The following TSHZ1 variants were observed in gnomAD, a reference collection of about 807,000 sequenced individuals.
TSHZ1 encodes teashirt zinc finger homeobox 1, also known as teashirt homolog 1.
TSHZ1 carries 12 observed loss-of-function variants against 67.1 expected under a neutral mutation model. That is an observed-to-expected ratio of 0.18 (90% CI 0.11 to 0.29). The LOEUF (loss-of-function observed/expected upper bound fraction) is 0.29, where lower values mean the gene tolerates loss of function less well. TSHZ1 is among the 10% of genes least tolerant of loss of function. TSHZ1 has a pLI of 1.00. For missense variants in TSHZ1, 1,305 were observed against 1,413.9 expected, an observed-to-expected ratio of 0.92 and a Z score of 1.23; for synonymous variants, 632 against 622.4, an observed-to-expected ratio of 1.02 and a Z score of -0.23.
At chr18:75,242,511 T>C (rs2122552917) in intron 1 of TSHZ1, among the ~76,000 whole-genome samples, 2 of 152,364 alleles carry the variant, frequency 1.3e-5, no homozygotes, top group South Asian at 4.1e-4. Flanking sequence ...AGTAAATAGG[T>C]GGACCATTTG....
chr18:75,275,627 G>A (rs181311684), intron 1 of TSHZ1, among the ~76,000 whole-genome samples: 9 of 152,308 alleles, frequency 5.9e-5, no homozygotes, highest in East Asian at 1.9e-4. Flanking sequence ...GGGTCAGATA[G>A]TACCAAGTTG....
Position 75,288,211 on chromosome 18 carries a change from T to C in TSHZ1, c.2804T>C (p.Leu935Pro), listed in dbSNP as rs1453741680. 6.2e-7 allele frequency: 1 copy of C among 1,614,162 alleles called. No homozygotes were observed. The highest frequency in any genetic ancestry group is 8.5e-7 in the Non-Finnish European group (1 of 1,180,022). The change falls in exon 2 of 2, where the codon CTC becomes CCC. Residue 935 changes from leucine (L) to proline (P), a missense_variant. Leu to Pro is a moderately conservative substitution (Grantham distance 98). Transcript: ENST00000580243. This position sits in a 1 kb window ranked among gnomAD's most constrained non-coding sequence, Gnocchi z 4.9. ...ERVHISKFTG[L>P]SMTTISHWLA... is the part of the protein sequence containing the mutation. ...GTGCACATCTCGAAGTTTACTGGGC[T>C]CTCCATGACCACCATCAGCCACTGG...
chr18:75,224,061 T>A (rs1428030978), intron 1 of TSHZ1, among the ~76,000 whole-genome samples: 2 of 117,904 alleles, frequency 1.7e-5, no homozygotes, highest in African/African-American at 3.1e-5. Flanking sequence ...TTTAAACTTG[T>A]AAAAAAAAAA....
intron 1 of TSHZ1, among the ~76,000 whole-genome samples, chr18:75,259,025 C>T (rs2023397578): frequency 6.6e-6 from 1 of 152,146 alleles, no homozygotes; most frequent in Non-Finnish European, 1.5e-5. Flanking sequence ...TTTCACTTTC[C>T]TCCTCCCCTC....
intron 1 of TSHZ1, among the ~76,000 whole-genome samples, chr18:75,272,212 G>A (rs2023566805): frequency 6.6e-6 from 1 of 152,260 alleles, no homozygotes; most frequent in Non-Finnish European, 1.5e-5. Context: ...TCAGATAGAA[G>A]AGGAAGAGCA....
chr18:75,274,142 T>C (rs554263437), intron 1 of TSHZ1, among the ~76,000 whole-genome samples: 1 of 152,250 alleles, frequency 6.6e-6, no homozygotes, highest in African/African-American at 2.4e-5. Context: ...TGCACCATCG[T>C]GCTAGGCTCA....
chr18:75,268,744 T>C (rs11872517), intron 1 of TSHZ1, among the ~76,000 whole-genome samples: 4,324 of 152,252 alleles, frequency 0.028, 78 homozygotes, highest in African/African-American at 0.051. Context: ...CCTCCTGCCA[T>C]TTGCTGGTTT....
intron 1 of TSHZ1, chr18:75,283,067 C>T (rs970582063): frequency 6.6e-6 from 1 of 152,300 alleles, no homozygotes; most frequent in Non-Finnish European, 1.5e-5. Context: ...ATAGTCGATC[C>T]TGATAGAAGG....
intron 1 of TSHZ1, among the ~76,000 whole-genome samples, chr18:75,239,696 G>A (rs1174858117): frequency 2.6e-5 from 4 of 152,182 alleles, no homozygotes; most frequent in Non-Finnish European, 4.4e-5. Flanking sequence ...TAGAGGCAGA[G>A]TCTTGCTGTA....
intron 1 of TSHZ1, among the ~76,000 whole-genome samples, chr18:75,232,449 T>C (rs575837973): frequency 3.9e-5 from 6 of 152,358 alleles, no homozygotes; most frequent in African/African-American, 1.4e-4. Context: ...TGCATGTATT[T>C]TGGAAAGTCT....
chr18:75,257,975 G>C (rs1014876742), intron 1 of TSHZ1, among the ~76,000 whole-genome samples: 5 of 152,338 alleles, frequency 3.3e-5, no homozygotes, highest in Non-Finnish European at 5.9e-5. Flanking sequence ...ATCAGAGGGG[G>C]CATCTGGACT....
chr18:75,250,130 C>T (rs1233477077), intron 1 of TSHZ1, among the ~76,000 whole-genome samples: 1 of 150,152 alleles, frequency 6.7e-6, no homozygotes. Flanking sequence ...CCCGTCTGAC[C>T]CCTGCAGTAG....
Position 75,260,959 on chromosome 18 carries a change from G to A in TSHZ1, c.41-24489G>A, listed in dbSNP as rs373026794. On this transcript the variant is annotated intron_variant, in intron 1 of 1. Coordinates refer to ENST00000580243, the MANE Select transcript of TSHZ1 (RefSeq NM_001308210.2). ...ATGGATGGACATTTCTCAATCCATG[G>A]GACGCGCGTCCCTTTTTCCTGGCTG... Among the ~76,000 whole-genome samples the A allele has an allele frequency of 8.2e-4, 125 of 152,110 alleles. 1 individual carries two copies. Among genetic ancestry groups the A allele is most frequent in the African/African-American group, 2.9e-3 (121 of 41,492 alleles).
At chr18:75,271,546 G>A (rs1219764946) in intron 1 of TSHZ1, among the ~76,000 whole-genome samples, 7 of 152,124 alleles carry the variant, frequency 4.6e-5, no homozygotes, top group Non-Finnish European at 1.0e-4. Flanking sequence ...AATGCAGCAG[G>A]ATTTTGCTCC....
chr18:75,252,089 ATCTCTG>A (rs1261471994), intron 1 of TSHZ1, among the ~76,000 whole-genome samples: 1 of 152,238 alleles, frequency 6.6e-6, no homozygotes, highest in Middle Eastern at 3.4e-3. Context: ...ATCTATATTT[ATCTCTG>A]TCTCTGTATC....
intron 1 of TSHZ1, among the ~76,000 whole-genome samples, chr18:75,219,845 G>A (rs1409712048): frequency 1.3e-5 from 2 of 152,210 alleles, no homozygotes; most frequent in Admixed American, 1.3e-4. Flanking sequence ...TGCTGGTTAC[G>A]TGCTGAAGGC....
At chr18:75,278,787 T>C (rs886314504) in intron 1 of TSHZ1, among the ~76,000 whole-genome samples, 4 of 152,040 alleles carry the variant, frequency 2.6e-5, no homozygotes, top group African/African-American at 9.7e-5. Flanking sequence ...GTGCTGTGGC[T>C]CCAGTTACTA....
rs147341569 is a variant in TSHZ1, at chr18:75,287,639, C to T, written c.2232C>T (p.Asn744=). 76 of 1,614,218 alleles carry T rather than the reference C, an allele frequency of 4.7e-5. 1 individual carries two copies. The African/African-American group carries it at 8.7e-4, about 18-fold the overall frequency. ...MDHSPEPSFI[N]PLSALQSIMN... is the part of the protein sequence containing the mutation. ...ACTCACCGGAGCCTTCCTTCATCAA[C>T]CCGCTGAGCGCTTTGCAGTCCATCA... is the stretch of plus-strand genomic sequence containing the variant. Residue 744 remains asparagine (N), a synonymous_variant, in exon 2 of 2, where the codon AAC becomes AAT. Transcript: ENST00000580243. This position sits in a 1 kb window ranked among gnomAD's most constrained non-coding sequence, Gnocchi z 5.0.
chr18:75,288,853 A>G lies in TSHZ1; in HGVS notation c.*212A>G. 1.5e-6 allele frequency: 1 copy of G among 667,654 alleles called. No individual in the cohort carries two copies. The highest frequency in any genetic ancestry group is 2.3e-6 in the Non-Finnish European group (1 of 443,790). 41.4% of individuals were successfully genotyped at this position (667,654 alleles called of 1,614,324 possible). A position where few individuals can be genotyped will look rare whatever the true frequency, so the allele number is the denominator to read the frequency against. ...TTCCGTGAGTCAAAGTCTGACCTTT[A>G]TTTTCAACATCTGTTCTTGGTGTTA... On this transcript the variant is annotated 3_prime_UTR_variant, in exon 2 of 2. Transcript: ENST00000580243. The surrounding 1 kb of genome is among the most constrained non-coding windows in gnomAD (Gnocchi z 4.9).
Sources: gnomAD v4.1 joint callset for allele counts (sites outside exome capture counted in the v4.1 genomes callset) on GRCh38, gnomAD v4.1.1 for gene constraint, Gnocchi (gnomAD v3.1) non-coding constraint, MANE v1.5 for transcripts, NCBI Gene and HGNC (gene_info 2026-07-23, HGNC 2026-07-21) for gene names.